The following CTNNA2 variants were observed in gnomAD, a reference collection of about 807,000 sequenced individuals.
The protein encoded by CTNNA2 is catenin alpha-2.
CTNNA2 carries 42 observed loss-of-function variants against 101.0 expected under a neutral mutation model. The observed-to-expected ratio is 0.42, with a 90% CI of 0.32 to 0.54. The LOEUF (loss-of-function observed/expected upper bound fraction) is 0.54. CTNNA2 is among the 20% of genes least tolerant of loss of function. The pLI is 0.14. For missense variants in CTNNA2, 871 were observed against 1,223.1 expected (o/e 0.71, Z 4.29); for synonymous variants, 450 against 456.4 (o/e 0.99, Z 0.18).
chr2:79,817,459 T>C (rs72824574), intron 3 of CTNNA2, among the ~76,000 whole-genome samples: 45,058 of 151,394 alleles, frequency 0.3, 8,275 homozygotes, highest in African/African-American at 0.52. Flanking sequence ...GTATTTCCAG[T>C]CTCACTCTCA....
At chr2:80,384,757 C>T (rs1413425182) in intron 7 of CTNNA2, among the ~76,000 whole-genome samples, 2 of 151,790 alleles carry the variant, frequency 1.3e-5, no homozygotes, top group African/African-American at 4.8e-5. Context: ...TGGGGAAAAC[C>T]CTGTGAATGA....
chr2:80,287,664 G>C (rs1674890210), intron 7 of CTNNA2, among the ~76,000 whole-genome samples: 1 of 152,154 alleles, frequency 6.6e-6, no homozygotes, highest in South Asian at 2.1e-4. Flanking sequence ...GCCATCTCTA[G>C]ATTAATAGGG....
intron 7 of CTNNA2, among the ~76,000 whole-genome samples, chr2:80,119,297 C>T (rs1558826410): frequency 6.6e-6 from 1 of 152,160 alleles, no homozygotes; most frequent in Non-Finnish European, 1.5e-5. Context: ...GACTCTCTCC[C>T]TGACATATTT....
At chr2:79,215,839 G>A (rs13013198) in intron 2 of CTNNA2, among the ~76,000 whole-genome samples, 124,601 of 151,946 alleles carry the variant, frequency 0.82, 51,499 homozygotes, top group East Asian at 0.99. Context: ...AAGGATTATA[G>A]GGTGGAGGAG....
chr2:80,617,839 ATT>A (rs1395045018), intron 17 of CTNNA2, among the ~76,000 whole-genome samples: 1 of 151,788 alleles, frequency 6.6e-6, no homozygotes, highest in Admixed American at 6.6e-5. Context: ...CCAAATTAAG[ATT>A]TTTGTTTATC....
intron 9 of CTNNA2, among the ~76,000 whole-genome samples, chr2:80,504,511 G>A (rs140778799): frequency 5.9e-5 from 9 of 152,252 alleles, no homozygotes; most frequent in African/African-American, 2.2e-4. Context: ...GGATTATACA[G>A]GGAATGTACA....
Position 80,544,984 on chromosome 2 carries a change from T to A in CTNNA2, c.1293T>A (p.Val431=). Residue 431 remains valine (V), a splice_region_variant and synonymous_variant, in exon 10 of 19, where the codon GTT becomes GTA. Coordinates refer to ENST00000402739, the MANE Select transcript of CTNNA2 (RefSeq NM_001282597.3). The part of the protein sequence containing the change: ...FREHANKLVE[V]ANLACSISNN... Reference sequence around the variant, plus strand: ...CACTAAAATCCTCTTCAATACAGGTTGCCAATTTGGCCTGTTCCATCTCCA... The same window carrying A: ...CACTAAAATCCTCTTCAATACAGGTAGCCAATTTGGCCTGTTCCATCTCCA... The A allele has an allele frequency of 6.2e-7, 1 of 1,613,894 alleles. No homozygotes were observed. Among genetic ancestry groups the A allele is most frequent in the Non-Finnish European group, 8.5e-7 (1 of 1,179,866 alleles).
intron 18 of CTNNA2, among the ~76,000 whole-genome samples, chr2:80,622,647 G>A (rs1055862536): frequency 6.6e-6 from 1 of 151,880 alleles, no homozygotes; most frequent in Non-Finnish European, 1.5e-5. Flanking sequence ...TCACACTGAC[G>A]AAGAACACTT....
At chr2:79,221,364 A>G (rs979992805) in intron 2 of CTNNA2, among the ~76,000 whole-genome samples, 4 of 152,174 alleles carry the variant, frequency 2.6e-5, no homozygotes, top group Non-Finnish European at 5.9e-5. Context: ...TGTTTCCCAG[A>G]CTTGTCTCAA....
intron 7 of CTNNA2, among the ~76,000 whole-genome samples, chr2:80,075,917 G>C (rs1163105227): frequency 6.6e-6 from 1 of 151,482 alleles, no homozygotes; most frequent in East Asian, 1.9e-4. Context: ...CTCATCACTA[G>C]TTACAAGCAT....
chr2:79,655,008 A>G (rs1177842586), intron 2 of CTNNA2, among the ~76,000 whole-genome samples: 1 of 152,184 alleles, frequency 6.6e-6, no homozygotes, highest in East Asian at 1.9e-4. Context: ...TTATAATTGT[A>G]TATGTTTAAT....
At position 80,278,528 on chromosome 2, in the gene CTNNA2, G is replaced by A. The variant is rs187067370; in HGVS notation, c.1057-114683G>A. On this transcript the variant is annotated intron_variant, in intron 7 of 18. Coordinates refer to ENST00000402739, the MANE Select transcript of CTNNA2 (RefSeq NM_001282597.3). ...CTGGGCTAGTTCACATGGTAGGGGG[G>A]CAGGATTCCCAGGAGCAGCCAGAAG... Among the ~76,000 whole-genome samples the A allele has an allele frequency of 2.0e-5, 3 of 152,158 alleles. No individual in the cohort carries two copies. The East Asian group carries it at 5.8e-4, about 30-fold the overall frequency.
At chr2:80,599,076 G>T (rs1473924568) in intron 15 of CTNNA2, among the ~76,000 whole-genome samples, 1 of 152,088 alleles carries the variant, frequency 6.6e-6, no homozygotes, top group Non-Finnish European at 1.5e-5. Flanking sequence ...CATGAGAAAG[G>T]CTGGGAGAAG....
chr2:80,184,352 C>T (rs1475399581), intron 7 of CTNNA2, among the ~76,000 whole-genome samples: 2 of 152,048 alleles, frequency 1.3e-5, no homozygotes, highest in African/African-American at 4.8e-5. Flanking sequence ...AATAATAATA[C>T]TAACATTAAG....
At chr2:79,547,263 A>G (rs1673796398) in intron 1 of CTNNA2, 1 of 152,206 alleles carries the variant, frequency 6.6e-6, no homozygotes, top group Non-Finnish European at 1.5e-5. Context: ...TCTGGTACCT[A>G]ATAAATTTAG....
At chr2:79,382,402 A>T in intron 4 of CTNNA2, among the ~76,000 whole-genome samples, 1 of 151,992 alleles carries the variant, frequency 6.6e-6, no homozygotes, top group East Asian at 1.9e-4. Context: ...CTGTCTGGGT[A>T]TGTGTGTGTA....
chr2:79,290,154 A>G (rs1407399085), intron 2 of CTNNA2, among the ~76,000 whole-genome samples: 1 of 152,210 alleles, frequency 6.6e-6, no homozygotes, highest in Non-Finnish European at 1.5e-5. Flanking sequence ...CAGGCCCTGA[A>G]CATAGAGTCT....
intron 1 of CTNNA2, among the ~76,000 whole-genome samples, chr2:79,619,848 T>G (rs2566554): frequency 0.99 from 150,199 of 152,240 alleles, 74,103 homozygotes; most frequent in Middle Eastern, 1. Context: ...ACTGCAGATA[T>G]GCGGTCTTCT....
intron 7 of CTNNA2, among the ~76,000 whole-genome samples, chr2:80,136,105 G>A (rs572792097): frequency 6.6e-6 from 1 of 152,284 alleles, no homozygotes; most frequent in African/African-American, 2.4e-5. Context: ...CTTGGTTTTT[G>A]TATAGTAGTT....
Sources: allele counts gnomAD v4.1 joint callset (sites outside exome capture counted in the v4.1 genomes callset), GRCh38; gene constraint gnomAD v4.1.1; transcripts MANE v1.5; gene names NCBI Gene and HGNC (gene_info 2026-07-23, HGNC 2026-07-21).